Variants in DSCAM observed in about 807,000 individuals in gnomAD.
DSCAM encodes the protein DS cell adhesion molecule.
In DSCAM, 47 loss-of-function variants were observed where a neutral mutation model predicts 217.7. That is an observed-to-expected ratio of 0.22 (90% confidence interval 0.17 to 0.28). The LOEUF (loss-of-function observed/expected upper bound fraction) is 0.28. Among genes scored for constraint, DSCAM ranks in the 10% least tolerant of loss-of-function variants. The pLI, the probability that DSCAM is intolerant of heterozygous loss-of-function variation, is 1.00. For missense variants in DSCAM, 2,080 were observed against 2,618.3 expected (o/e 0.79, Z 4.49); for synonymous variants, 1,056 against 1,015.3 (o/e 1.04, Z -0.76).
intron 5 of DSCAM, among the ~76,000 whole-genome samples, chr21:40,351,035 G>A (rs1473370859): frequency 2.0e-5 from 3 of 151,786 alleles, no homozygotes; most frequent in Non-Finnish European, 4.4e-5. Flanking sequence ...ACAGACACAA[G>A]CCATCACACC....
chr21:40,153,494 G>A (rs1054923416), intron 16 of DSCAM, among the ~76,000 whole-genome samples: 1 of 152,216 alleles, frequency 6.6e-6, no homozygotes, highest in African/African-American at 2.4e-5. Flanking sequence ...CCCAGGAATG[G>A]AGAGAGGCTC....
At chr21:40,058,452 T>G (rs1041570721) in intron 28 of DSCAM, among the ~76,000 whole-genome samples, 26 of 152,190 alleles carry the variant, frequency 1.7e-4, no homozygotes, top group African/African-American at 6.3e-4. Flanking sequence ...CTGGAAAATA[T>G]GCTCCACCAG....
intron 16 of DSCAM, among the ~76,000 whole-genome samples, chr21:40,156,287 C>CAG (rs749781848): frequency 0.077 from 5,833 of 75,504 alleles, 414 homozygotes; most frequent in Non-Finnish European, 0.1. Context: ...CAAACTAAGA[C>CAG]AGAGAGAGAG....
intron 16 of DSCAM, among the ~76,000 whole-genome samples, chr21:40,154,460 C>T (rs1001467323): frequency 6.6e-6 from 1 of 151,990 alleles, no homozygotes; most frequent in African/African-American, 2.4e-5. Context: ...TGCCATGTTG[C>T]CCAGGCTGGT....
intron 3 of DSCAM, among the ~76,000 whole-genome samples, chr21:40,390,883 G>A (rs750653880): frequency 2.6e-5 from 4 of 152,118 alleles, no homozygotes; most frequent in South Asian, 4.1e-4. Flanking sequence ...GCGCATTAGA[G>A]CTTCAATATC....
chr21:40,544,024 T>G (rs980494572), intron 3 of DSCAM, among the ~76,000 whole-genome samples: 1 of 152,132 alleles, frequency 6.6e-6, no homozygotes, highest in African/African-American at 2.4e-5. Context: ...CAAGTTGAAC[T>G]CTTAGTCAGT....
intron 11 of DSCAM, among the ~76,000 whole-genome samples, chr21:40,270,222 CT>C: frequency 6.6e-6 from 1 of 152,330 alleles, no homozygotes; most frequent in African/African-American, 2.4e-5. Context: ...TTCCCATTCT[CT>C]GCTTCTGCCT....
chr21:40,164,930 T>A (rs1347817766), intron 16 of DSCAM, among the ~76,000 whole-genome samples: 1 of 152,226 alleles, frequency 6.6e-6, no homozygotes, highest in South Asian at 2.1e-4. Flanking sequence ...TCTCCAGTGT[T>A]ACAGAAAGGC....
chr21:40,668,196 G>T (rs115556999), intron 3 of DSCAM, among the ~76,000 whole-genome samples: 138 of 123,592 alleles, frequency 1.1e-3, no homozygotes, highest in African/African-American at 4.0e-3. Flanking sequence ...CAAACACACT[G>T]CTGTACACTA....
chr21:40,230,920 GT>G lies in DSCAM; in HGVS notation c.2357-41683del, dbSNP rs557128668. On this transcript the variant is annotated intron_variant, in intron 11 of 32. Transcript: ENST00000400454. Reference sequence around the variant, plus strand: ...CTGCCTCTCTTCCAGGTACACAGATGTCCCCACAACCCCCACCCGGCATCCC... The same window carrying G: ...CTGCCTCTCTTCCAGGTACACAGATGCCCCACAACCCCCACCCGGCATCCC... Among the ~76,000 whole-genome samples the G allele has an allele frequency of 1.6e-3, 242 of 151,734 alleles. 2 individuals are homozygous for G. Among genetic ancestry groups the G allele is most frequent in the Non-Finnish European group, 2.9e-3 (194 of 67,960 alleles).
intron 3 of DSCAM, among the ~76,000 whole-genome samples, chr21:40,439,714 G>T (rs1032730919): frequency 2.0e-5 from 3 of 152,304 alleles, no homozygotes; most frequent in Non-Finnish European, 4.4e-5. Flanking sequence ...TCACAGTTAT[G>T]ATGGCAGGCA....
intron 3 of DSCAM, among the ~76,000 whole-genome samples, chr21:40,594,983 C>T (rs976701265): frequency 2.0e-5 from 3 of 152,172 alleles, no homozygotes; most frequent in African/African-American, 7.2e-5. Flanking sequence ...TTACTGGGTG[C>T]ACCTTCAAAT....
At chr21:40,051,885 G>C (rs11911000) in intron 30 of DSCAM, 73 bp downstream of exon 30, 14 of 1,515,838 alleles carry the variant, frequency 9.2e-6, no homozygotes, top group African/African-American at 5.6e-5. Context: ...ATTTTCATTT[G>C]AGAGAGAAAG....
At chr21:40,075,257 G>C in intron 26 of DSCAM, 44 bp from the exon 27 acceptor site, 1 of 1,600,604 alleles carries the variant, frequency 6.2e-7, no homozygotes, top group African/African-American at 1.3e-5. Context: ...AATGAAGACG[G>C]CATGGCGGAG....
At chr21:40,617,683 C>T (rs1287476668) in intron 3 of DSCAM, among the ~76,000 whole-genome samples, 2 of 152,256 alleles carry the variant, frequency 1.3e-5, no homozygotes, top group African/African-American at 4.8e-5. Flanking sequence ...ATGCCAGCAG[C>T]TCCCTCCCAG....
At chr21:40,537,025 C>A (rs1163248798) in intron 3 of DSCAM, among the ~76,000 whole-genome samples, 1 of 152,054 alleles carries the variant, frequency 6.6e-6, no homozygotes, top group Non-Finnish European at 1.5e-5. Flanking sequence ...GATGAAAAGG[C>A]AGAGGATTTT....
intron 11 of DSCAM, among the ~76,000 whole-genome samples, chr21:40,210,539 C>G (rs1477050999): frequency 1.3e-5 from 2 of 152,102 alleles, no homozygotes; most frequent in Non-Finnish European, 2.9e-5. Context: ...ATGCCTTCAT[C>G]TTTTATTCAT....
At chr21:40,073,918 G>A (rs2089329152) in intron 27 of DSCAM, among the ~76,000 whole-genome samples, 1 of 152,182 alleles carries the variant, frequency 6.6e-6, no homozygotes, top group Non-Finnish European at 1.5e-5. Flanking sequence ...AGATTTACAT[G>A]GACAGATTCT....
intron 10 of DSCAM, among the ~76,000 whole-genome samples, chr21:40,277,120 G>C (rs1422259025): frequency 3.3e-5 from 5 of 152,068 alleles, no homozygotes; most frequent in Non-Finnish European, 7.4e-5. Context: ...TTCAGGCCTT[G>C]AAAGACTCTC....
Sources: allele counts gnomAD v4.1 joint callset (sites outside exome capture counted in the v4.1 genomes callset), GRCh38; gene constraint gnomAD v4.1.1; transcripts MANE v1.5; gene names NCBI Gene and HGNC (gene_info 2026-07-23, HGNC 2026-07-21).